The following MCMBP variants were observed in gnomAD, a reference collection of about 807,000 sequenced individuals.
MCMBP encodes mini-chromosome maintenance complex-binding protein.
MCMBP carries 31 observed loss-of-function variants against 81.3 expected under a neutral mutation model. The observed-to-expected ratio is 0.38, with a 90% CI of 0.29 to 0.51. MCMBP has a LOEUF of 0.51. Among genes scored for constraint, MCMBP ranks in the 20% least tolerant of loss-of-function variants. MCMBP has a pLI of 0.87. For synonymous variants in MCMBP, 267 were observed against 275.9 expected, an observed-to-expected ratio of 0.97 and a Z score of 0.32; for missense variants, 645 against 772.1, an observed-to-expected ratio of 0.84 and a Z score of 1.95.
chr10:119,854,479 G>A (rs1273775794), intron 5 of MCMBP, among the ~76,000 whole-genome samples: 1 of 151,176 alleles, frequency 6.6e-6, no homozygotes, highest in Non-Finnish European at 1.5e-5. Context: ...GAGGCGGGTA[G>A]ATCACTTGAG....
rs1853737787 is a variant in MCMBP at position 119,872,702 on chromosome 10, C to T, written c.-118G>A. The stretch of plus-strand genomic sequence containing the variant: ...CTCGGCCGCTCCTCGCCCGCGTTCG[C>T]TCGCGCCCTCCCACGCACAGCGAGC... On this transcript the variant is annotated 5_prime_UTR_variant, in exon 1 of 16. Coordinates refer to ENST00000369077, the MANE Select transcript of MCMBP (RefSeq NM_001256378.2). 2.6e-6 allele frequency: 1 copy of T among 383,342 alleles called. No individual in the cohort carries two copies. Among genetic ancestry groups the T allele is most frequent in the Admixed American group, 5.7e-5 (1 of 17,500 alleles). 23.7% of individuals were successfully genotyped at this position (383,342 alleles called of 1,614,324 possible).
chr10:119,832,114 G>C lies in MCMBP; in HGVS notation c.1708-14C>G, dbSNP rs1852069201. On this transcript the variant is annotated splice_polypyrimidine_tract_variant and intron_variant, in intron 14 of 15. Coordinates refer to ENST00000369077, the MANE Select transcript of MCMBP (RefSeq NM_001256378.2). ...ATCTTCAACTGCCTTTATCAAAAGA[G>C]TAAATGTAAATGATGTGCATTTTTG... is the stretch of plus-strand genomic sequence containing the variant. The C allele has an allele frequency of 6.2e-7, 1 of 1,603,922 alleles. No individual in the cohort carries two copies. Among genetic ancestry groups the C allele is most frequent in the Admixed American group, 1.7e-5 (1 of 57,958 alleles).
intron 14 of MCMBP, among the ~76,000 whole-genome samples, chr10:119,834,881 AAAAAG>A: frequency 6.6e-6 from 1 of 151,130 alleles, no homozygotes; most frequent in African/African-American, 2.4e-5. Flanking sequence ...AAAAAAAAAA[AAAAAG>A]AATTTGCACA....
intron 7 of MCMBP, 22 bp downstream of exon 7, chr10:119,849,403 G>T: frequency 1.9e-6 from 3 of 1,594,542 alleles, no homozygotes; most frequent in Non-Finnish European, 2.6e-6. Context: ...TTCAGTGTTG[G>T]ATCTACGAAA....
chr10:119,872,360 C>G (rs1853714559), intron 1 of MCMBP, among the ~76,000 whole-genome samples, 167 bp downstream of exon 1: 1 of 151,956 alleles, frequency 6.6e-6, no homozygotes, highest in South Asian at 2.1e-4. Context: ...CTGCTGCGAC[C>G]GGGGGAGAGG....
rs960062115 is a variant in MCMBP, at chr10:119,838,832, G to C, written c.1243-132C>G. 6 of 733,842 alleles carry C rather than the reference G, an allele frequency of 8.2e-6. No homozygotes were observed. The African/African-American group carries it at 1.1e-4, about 13-fold the overall frequency. 45.5% of individuals were successfully genotyped at this position (733,842 alleles called of 1,614,324 possible). ...AAATTTCTAAGGGAGTAGTGATATG[G>C]TTTCTTGAACTCCAGAAGCAAAAAT... On this transcript the variant is annotated intron_variant, in intron 11 of 15. Transcript: ENST00000369077.
intron 7 of MCMBP, among the ~76,000 whole-genome samples, chr10:119,848,623 A>C (rs1344463639): frequency 6.6e-6 from 1 of 152,062 alleles, no homozygotes; most frequent in Admixed American, 6.6e-5. Context: ...AAAAACAAAC[A>C]AAAAAACCCC....
At chr10:119,854,682 C>T (rs1345259266) in intron 5 of MCMBP, among the ~76,000 whole-genome samples, 1 of 151,634 alleles carries the variant, frequency 6.6e-6, no homozygotes, top group Non-Finnish European at 1.5e-5. Context: ...GCTGGCCGGG[C>T]ATAGTGGCTT....
chr10:119,849,961 A>T (rs1852750362), intron 6 of MCMBP, among the ~76,000 whole-genome samples: 1 of 152,200 alleles, frequency 6.6e-6, no homozygotes, highest in African/African-American at 2.4e-5. Context: ...TCTATTAATT[A>T]AGCAGAATAA....
chr10:119,873,285 G>A (rs1035979120), upstream of MCMBP: 8 of 151,990 alleles, frequency 5.3e-5, no homozygotes, highest in African/African-American at 1.5e-4. Flanking sequence ...TTGGGTCCCC[G>A]GCCCGAAACC....
intron 6 of MCMBP, among the ~76,000 whole-genome samples, chr10:119,852,819 CTT>C (rs1362418039): frequency 2.6e-5 from 4 of 152,230 alleles, no homozygotes; most frequent in Non-Finnish European, 4.4e-5. Context: ...CAGATAGTCA[CTT>C]GAGACTCCAA....
Position 119,853,139 on chromosome 10 carries a change from C to G in MCMBP, c.485G>C (p.Ser162Thr). ...ATCTTCATAACTCCTCTTGTGGCGA[C>G]TAGGAGTGTAGGATGTTGAGGGACT... is the stretch of plus-strand genomic sequence containing the variant. ...RVSPSTSYTP[S>T]RHKRSYEDDD... The change falls in exon 6 of 16, where the codon AGT (serine) becomes ACT (threonine). Residue 162 changes from serine to threonine, a missense_variant. Ser to Thr is a moderately conservative substitution (Grantham distance 58). Coordinates refer to ENST00000369077, the MANE Select transcript of MCMBP (RefSeq NM_001256378.2). 6.2e-7 allele frequency: 1 copy of G among 1,614,118 alleles called. No individual in the cohort carries two copies. Among genetic ancestry groups the G allele is most frequent in the Non-Finnish European group, 8.5e-7 (1 of 1,180,008 alleles).
At chr10:119,832,866 C>T (rs1016661331) in intron 14 of MCMBP, among the ~76,000 whole-genome samples, 6 of 152,160 alleles carry the variant, frequency 3.9e-5, no homozygotes, top group African/African-American at 1.4e-4. Context: ...AACCCAAACC[C>T]TTCAATGGAA....
intron 5 of MCMBP, among the ~76,000 whole-genome samples, chr10:119,856,354 A>G (rs1345371597): frequency 1.3e-5 from 2 of 152,248 alleles, no homozygotes; most frequent in Non-Finnish European, 2.9e-5. Context: ...GTATAAACAA[A>G]TAATACTTAG....
At chr10:119,841,995 G>A (rs191616331) in intron 10 of MCMBP, among the ~76,000 whole-genome samples, 1 of 152,308 alleles carries the variant, frequency 6.6e-6, no homozygotes, top group Non-Finnish European at 1.5e-5. Context: ...TAGGAGGTGA[G>A]GGGTGGATGA....
At chr10:119,846,152 T>C (rs754873328) in intron 8 of MCMBP, among the ~76,000 whole-genome samples, 1 of 152,122 alleles carries the variant, frequency 6.6e-6, no homozygotes, top group Non-Finnish European at 1.5e-5. Flanking sequence ...CTGCAACAGC[T>C]TAATATGCCA....
chr10:119,831,870 C>A, intron 15 of MCMBP, 142 bp downstream of exon 15: 1 of 854,828 alleles, frequency 1.2e-6, no homozygotes, highest in Admixed American at 2.9e-5. Flanking sequence ...TCGATTCCCC[C>A]TCAATGAGCC....
Position 119,830,059 on chromosome 10 carries a change from T to TAAAC in MCMBP, c.*1411_*1414dup, listed in dbSNP as rs1338809743. Reference sequence around the variant, plus strand: ...AATGAAAACCAGTTCAACTCTAATATAAACATTATTTACATTTGTTTATAA... The same window carrying TAAAC: ...AATGAAAACCAGTTCAACTCTAATATAAACAAACATTATTTACATTTGTTTATAA... On this transcript the variant is annotated 3_prime_UTR_variant, in exon 16 of 16. Coordinates refer to ENST00000369077, the MANE Select transcript of MCMBP (RefSeq NM_001256378.2). 2.0e-5 allele frequency: 3 copies of TAAAC among 152,638 alleles called. No homozygotes were observed. The highest frequency in any genetic ancestry group is 2.1e-4 in the South Asian group (1 of 4,834). The allele number at this position is 152,638 out of a possible 1,614,324, so 9.5% of individuals were successfully genotyped here.
intron 6 of MCMBP, among the ~76,000 whole-genome samples, chr10:119,851,466 C>T (rs1277413345): frequency 6.6e-6 from 1 of 152,118 alleles, no homozygotes; most frequent in Non-Finnish European, 1.5e-5. Context: ...TGGAGTCTCT[C>T]TGTCACTCTG....
Sources: allele counts gnomAD v4.1 joint callset (sites outside exome capture counted in the v4.1 genomes callset), GRCh38; gene constraint gnomAD v4.1.1; transcripts MANE v1.5; gene names NCBI Gene and HGNC (gene_info 2026-07-23, HGNC 2026-07-21).